The following ATP6V1C1 variants were observed in gnomAD, a reference collection of about 807,000 sequenced individuals.
ATP6V1C1 encodes the protein ATPase H+ transporting V1 subunit C1.
ATP6V1C1 carries 45 observed loss-of-function variants against 53.9 expected under a neutral mutation model. The observed-to-expected ratio is 0.83, with a 90% CI of 0.66 to 1.07. The LOEUF is 1.07. ATP6V1C1 is among the 50% of genes least tolerant of loss of function. ATP6V1C1 has a pLI of 0.00. For synonymous variants in ATP6V1C1, 153 were observed against 155.2 expected, an observed-to-expected ratio of 0.99 and a Z score of 0.11; for missense variants, 315 against 440.3, an observed-to-expected ratio of 0.72 and a Z score of 2.55.
At chr8:103,051,572 A>G (rs1817200372) in intron 5 of ATP6V1C1, among the ~76,000 whole-genome samples, 2 of 152,070 alleles carry the variant, frequency 1.3e-5, no homozygotes, top group Admixed American at 1.3e-4. Context: ...CCTTCGGACT[A>G]TTTAGTTTTG....
intron 1 of ATP6V1C1, among the ~76,000 whole-genome samples, chr8:103,036,846 C>T (rs1225615460): frequency 6.6e-6 from 1 of 152,094 alleles, no homozygotes; most frequent in Non-Finnish European, 1.5e-5. Flanking sequence ...AAGAATTTAA[C>T]AGTTGATTTT....
In ATP6V1C1 at chr8:103,072,641, G is replaced by A. The variant is rs1274674589; in HGVS notation, c.*3894G>A. 1.3e-5 allele frequency: 2 copies of A among 152,154 alleles called. No individual in the cohort carries two copies. Among genetic ancestry groups the A allele is most frequent in the African/African-American group, 2.4e-5 (1 of 41,418 alleles). The allele number at this position is 152,154 out of a possible 1,614,324, so 9.4% of individuals were successfully genotyped here. ...AGCATAGATAACAATTGATTCTTTAGATTCATATATGGAGGTAATTCTTGC... is the reference window on the plus strand; with the variant it reads ...AGCATAGATAACAATTGATTCTTTAAATTCATATATGGAGGTAATTCTTGC... On this transcript the variant is annotated 3_prime_UTR_variant, in exon 13 of 13. Transcript: ENST00000518738.
intron 1 of ATP6V1C1, among the ~76,000 whole-genome samples, chr8:103,021,916 A>G (rs1201247883): frequency 3.3e-5 from 5 of 152,298 alleles, no homozygotes; most frequent in Admixed American, 1.3e-4. Context: ...TATTCTTTTC[A>G]GAGGAAAATT....
Position 103,021,886 on chromosome 8 carries a change from AG to A in ATP6V1C1, c.-40+663del, listed in dbSNP as rs1816601578. On this transcript the variant is annotated intron_variant, in intron 1 of 12. Transcript: ENST00000518738. ...AGGCATATTGAATCACTTGAGAAAC[AG>A]GAGTAAGGGGGAAGCTAGTATTCTT... Among the ~76,000 whole-genome samples the A allele has an allele frequency of 2.0e-5, 3 of 152,316 alleles. No individual in the cohort carries two copies. The South Asian group carries it at 6.2e-4, about 32-fold the overall frequency.
At chr8:103,067,072 G>C (rs911002903) in intron 12 of ATP6V1C1, among the ~76,000 whole-genome samples, 20 of 151,956 alleles carry the variant, frequency 1.3e-4, no homozygotes, top group Middle Eastern at 3.2e-3. Flanking sequence ...TATAAACAGA[G>C]TTACTTGTGT....
At position 103,040,801 on chromosome 8, in the gene ATP6V1C1, C is replaced by T; in HGVS notation, c.-36C>T. ...TTTTATTTGTTTTACATTTCAGAAT[C>T]TCTCTTGATTTTTGAGGAAATACCT... On this transcript the variant is annotated 5_prime_UTR_variant, in exon 2 of 13. Transcript: ENST00000518738. 6.3e-7 allele frequency: 1 copy of T among 1,586,826 alleles called. No homozygotes were observed. The highest frequency in any genetic ancestry group is 8.6e-7 in the Non-Finnish European group (1 of 1,168,178).
intron 4 of ATP6V1C1, among the ~76,000 whole-genome samples, chr8:103,050,449 A>G (rs1473357120): frequency 1.3e-5 from 2 of 152,148 alleles, no homozygotes; most frequent in South Asian, 2.1e-4. Context: ...TGGCGCTGCC[A>G]TAATTACCAT....
At chr8:103,052,927 TG>T (rs781695249) in intron 6 of ATP6V1C1, 105 bp downstream of exon 6, 10 of 658,858 alleles carry the variant, frequency 1.5e-5, no homozygotes, top group Non-Finnish European at 2.1e-5. Context: ...TATGTTGTTC[TG>T]TAATCAAAAT....
intron 1 of ATP6V1C1, among the ~76,000 whole-genome samples, chr8:103,040,305 T>G (rs998895822): frequency 2.0e-5 from 3 of 151,824 alleles, no homozygotes; most frequent in Middle Eastern, 3.2e-3. Context: ...TCCCAGCTAC[T>G]CAGGAGGCTG....
intron 8 of ATP6V1C1, among the ~76,000 whole-genome samples, chr8:103,060,496 A>G (rs964261083): frequency 2.0e-5 from 3 of 152,170 alleles, no homozygotes; most frequent in Admixed American, 1.3e-4. Flanking sequence ...ACAACTCTAT[A>G]TTGCAGTTAC....
chr8:103,053,795 T>C (rs940713952), intron 6 of ATP6V1C1, 89 bp from the exon 7 acceptor site: 2 of 907,246 alleles, frequency 2.2e-6, no homozygotes, highest in African/African-American at 3.3e-5. Context: ...GTATATATAG[T>C]ATATGTGAAA....
chr8:103,058,741 C>T (rs1165491886), intron 8 of ATP6V1C1, among the ~76,000 whole-genome samples: 1 of 152,146 alleles, frequency 6.6e-6, no homozygotes, highest in Non-Finnish European at 1.5e-5. Flanking sequence ...TTCTAACTGT[C>T]CTCAAACCTG....
Position 103,068,819 on chromosome 8 carries a change from C to T in ATP6V1C1, c.*72C>T, listed in dbSNP as rs900410834. 2.2e-6 allele frequency: 3 copies of T among 1,355,040 alleles called. No individual in the cohort carries two copies. The highest frequency in any genetic ancestry group is 2.4e-5 in the East Asian group (1 of 41,152). 83.9% of individuals were successfully genotyped at this position (1,355,040 alleles called of 1,614,324 possible). On this transcript the variant is annotated 3_prime_UTR_variant, in exon 13 of 13. Transcript: ENST00000518738. ...TAACAGAAATAAGTTGCAGTATGGT[C>T]GTACTTTTAACTCTAGTATCCTTTG... is the stretch of plus-strand genomic sequence containing the variant.
At chr8:103,026,762 G>A (rs1816703635) in intron 1 of ATP6V1C1, among the ~76,000 whole-genome samples, 1 of 152,178 alleles carries the variant, frequency 6.6e-6, no homozygotes, top group Non-Finnish European at 1.5e-5. Context: ...ACAGTGAGCC[G>A]AGATCGCGCC....
In ATP6V1C1 at chr8:103,024,762, A is replaced by G. The variant is rs982880994; in HGVS notation, c.-40+3537A>G. Among the ~76,000 whole-genome samples, 5 of 152,362 alleles carry G rather than the reference A, an allele frequency of 3.3e-5. No homozygotes were observed. In the East Asian group the frequency reaches 5.8e-4, roughly 18 times the overall value. On this transcript the variant is annotated intron_variant, in intron 1 of 12. Coordinates refer to ENST00000518738, the MANE Select transcript of ATP6V1C1 (RefSeq NM_001695.5). ...GAACCAAGGCAGTCTAAAATTTCCTATTGACATGAGTGATTCTTGGAACTA... is the reference window on the plus strand; with the variant it reads ...GAACCAAGGCAGTCTAAAATTTCCTGTTGACATGAGTGATTCTTGGAACTA...
intron 3 of ATP6V1C1, among the ~76,000 whole-genome samples, chr8:103,044,858 C>G (rs1000010313): frequency 6.6e-6 from 1 of 152,020 alleles, no homozygotes; most frequent in Non-Finnish European, 1.5e-5. Context: ...CCATGAACAT[C>G]GGATGTTACT....
At chr8:103,039,583 C>T (rs1816958327) in intron 1 of ATP6V1C1, among the ~76,000 whole-genome samples, 1 of 152,056 alleles carries the variant, frequency 6.6e-6, no homozygotes, top group African/African-American at 2.4e-5. Context: ...TAGCAGAAAG[C>T]TTATGTTGGT....
intron 1 of ATP6V1C1, among the ~76,000 whole-genome samples, chr8:103,028,309 AG>A (rs1170472304): frequency 1.3e-5 from 2 of 152,178 alleles, no homozygotes; most frequent in Non-Finnish European, 2.9e-5. Context: ...GAGGAATGCG[AG>A]GATAAGGCAG....
intron 3 of ATP6V1C1, among the ~76,000 whole-genome samples, chr8:103,042,746 A>G (rs1441793278): frequency 6.6e-6 from 1 of 152,122 alleles, no homozygotes; most frequent in Non-Finnish European, 1.5e-5. Flanking sequence ...ATCATCCTCT[A>G]TTCCTGTTCC....
Sources: gnomAD v4.1 joint callset for allele counts (sites outside exome capture counted in the v4.1 genomes callset) on GRCh38, gnomAD v4.1.1 for gene constraint, MANE v1.5 for transcripts, NCBI Gene and HGNC (gene_info 2026-07-23, HGNC 2026-07-21) for gene names.